Variants in SCHIP1 observed in about 807,000 individuals in gnomAD.
The protein encoded by SCHIP1 is schwannomin interacting protein 1.
A neutral mutation model predicts 29.7 loss-of-function variants in SCHIP1; 8 were observed. The observed-to-expected ratio is 0.27, with a 90% CI of 0.16 to 0.49. The LOEUF is 0.49. Ranked by LOEUF, SCHIP1 falls within the 20% of genes least tolerant of loss-of-function variation. The pLI, the probability that SCHIP1 is intolerant of heterozygous loss-of-function variation, is 0.99. For missense variants in SCHIP1, 193 were observed against 294.6 expected (o/e 0.66, Z 2.52); for synonymous variants, 76 against 94.9 (o/e 0.80, Z 1.16).
At chr3:159,453,746 G>A in the SCHIP1 span, among the ~76,000 whole-genome samples, 1 of 152,188 alleles carries the variant, frequency 6.6e-6, no homozygotes, top group African/African-American at 2.4e-5. Flanking sequence ...TTGATTGAGT[G>A]CCTGACCCTT....
the SCHIP1 span, among the ~76,000 whole-genome samples, chr3:159,470,696 A>G: frequency 1.3e-5 from 2 of 152,164 alleles, no homozygotes; most frequent in Non-Finnish European, 2.9e-5. Context: ...CTGTCTACAC[A>G]GAACACAGGG....
the SCHIP1 span, among the ~76,000 whole-genome samples, chr3:159,567,997 A>G: frequency 6.6e-6 from 1 of 152,048 alleles, no homozygotes; most frequent in Non-Finnish European, 1.5e-5. Context: ...TGTAATTTTT[A>G]CCATACACTT....
the SCHIP1 span, among the ~76,000 whole-genome samples, chr3:159,584,059 T>C: frequency 6.6e-6 from 1 of 152,190 alleles, no homozygotes; most frequent in East Asian, 1.9e-4. Context: ...AGCTATCTGA[T>C]TCTAGCTTTC....
At chr3:159,634,645 C>T in the SCHIP1 span, among the ~76,000 whole-genome samples, 1 of 152,212 alleles carries the variant, frequency 6.6e-6, no homozygotes, top group East Asian at 1.9e-4. Flanking sequence ...AAAGCAGCCC[C>T]TGCACTGTGT....
At chr3:159,416,241 C>A in the SCHIP1 span, among the ~76,000 whole-genome samples, 40 of 152,320 alleles carry the variant, frequency 2.6e-4, no homozygotes, top group African/African-American at 9.1e-4. Flanking sequence ...AGTCTCAGAG[C>A]AAATGTGATC....
At chr3:159,396,745 C>A in the SCHIP1 span, among the ~76,000 whole-genome samples, 3 of 151,690 alleles carry the variant, frequency 2.0e-5, no homozygotes, top group South Asian at 6.3e-4. Context: ...TCTCTGGCTG[C>A]CCTTAACATT....
chr3:159,289,822 G>A, the SCHIP1 span, among the ~76,000 whole-genome samples: 2 of 152,182 alleles, frequency 1.3e-5, no homozygotes, highest in Non-Finnish European at 2.9e-5. Context: ...GAAATAAATG[G>A]CGGCATATTT....
chr3:159,514,508 A>G, the SCHIP1 span, among the ~76,000 whole-genome samples: 1 of 152,234 alleles, frequency 6.6e-6, no homozygotes, highest in Non-Finnish European at 1.5e-5. Context: ...CTGTCCTACC[A>G]TATTGAATGA....
chr3:159,322,373 T>G, the SCHIP1 span, among the ~76,000 whole-genome samples: 1 of 152,186 alleles, frequency 6.6e-6, no homozygotes, highest in African/African-American at 2.4e-5. Context: ...CTTAATATAG[T>G]CTCTCTGACT....
the SCHIP1 span, among the ~76,000 whole-genome samples, chr3:159,469,428 T>G: frequency 6.6e-6 from 1 of 152,176 alleles, no homozygotes; most frequent in Non-Finnish European, 1.5e-5. Flanking sequence ...TTCTTAAATA[T>G]TCTCTGAGCT....
the SCHIP1 span, among the ~76,000 whole-genome samples, chr3:159,481,043 C>G: frequency 2.2e-4 from 33 of 152,276 alleles, 1 homozygote; most frequent in African/African-American, 7.7e-4. Flanking sequence ...GAGAAGGAAT[C>G]TCACAAGGTA....
At chr3:159,539,626 A>T in the SCHIP1 span, among the ~76,000 whole-genome samples, 2 of 135,622 alleles carry the variant, frequency 1.5e-5, no homozygotes, top group African/African-American at 5.1e-5. Context: ...TCTGTGGAAT[A>T]TCTATACTAT....
At chr3:159,717,784 C>A in the SCHIP1 span, among the ~76,000 whole-genome samples, 9 of 152,206 alleles carry the variant, frequency 5.9e-5, no homozygotes, top group Non-Finnish European at 1.0e-4. Context: ...GATTCACAGC[C>A]AAATTCTTCC....
At chr3:159,778,058 C>A in the SCHIP1 span, among the ~76,000 whole-genome samples, 1 of 151,972 alleles carries the variant, frequency 6.6e-6, no homozygotes, top group Admixed American at 6.6e-5. Context: ...GATCTTGGCT[C>A]ACTGCACCCG....
the SCHIP1 span, among the ~76,000 whole-genome samples, chr3:159,348,513 G>T: frequency 6.6e-6 from 1 of 152,004 alleles, no homozygotes; most frequent in Admixed American, 6.6e-5. Flanking sequence ...AGTTTACTTT[G>T]CATTGGCATG....
At chr3:159,640,172 G>C in the SCHIP1 span, among the ~76,000 whole-genome samples, 1 of 152,140 alleles carries the variant, frequency 6.6e-6, no homozygotes, top group Non-Finnish European at 1.5e-5. Flanking sequence ...AGATAAGATA[G>C]TTTGACAATA....
At chr3:159,427,385 A>C in the SCHIP1 span, among the ~76,000 whole-genome samples, 1 of 151,662 alleles carries the variant, frequency 6.6e-6, no homozygotes, top group African/African-American at 2.4e-5. Flanking sequence ...CAAAAATCAC[A>C]AGCATTCTTA....
the SCHIP1 span, among the ~76,000 whole-genome samples, chr3:159,668,028 T>C: frequency 6.6e-6 from 1 of 152,226 alleles, no homozygotes; most frequent in South Asian, 2.1e-4. Flanking sequence ...ATTAGAACAC[T>C]TAGCAACAGC....
the SCHIP1 span, among the ~76,000 whole-genome samples, chr3:159,408,458 A>G: frequency 6.6e-6 from 1 of 152,040 alleles, no homozygotes; most frequent in African/African-American, 2.4e-5. Context: ...ATCCAAATAA[A>G]TTTTTTAAAA....
Sources: allele counts gnomAD v4.1 joint callset (sites outside exome capture counted in the v4.1 genomes callset), GRCh38; gene constraint gnomAD v4.1.1; transcripts MANE v1.5; gene names NCBI Gene and HGNC (gene_info 2026-07-23, HGNC 2026-07-21).